The following FHOD3 variants were observed in gnomAD, a reference collection of about 807,000 sequenced individuals.
The protein encoded by FHOD3 is FH1/FH2 domain-containing protein 3.
A neutral mutation model predicts 173.0 loss-of-function variants in FHOD3; 90 were observed. That is an observed-to-expected ratio of 0.52 (90% confidence interval 0.44 to 0.62). The LOEUF (loss-of-function observed/expected upper bound fraction) is 0.62. Ranked by LOEUF, FHOD3 falls within the 20% of genes least tolerant of loss-of-function variation. The pLI is 0.00. For synonymous variants in FHOD3, 828 were observed against 823.0 expected (o/e 1.01, Z -0.10); for missense variants, 1,945 against 2,034.7 (o/e 0.96, Z 0.85).
intron 10 of FHOD3, among the ~76,000 whole-genome samples, chr18:36,645,539 T>C (rs563031153): frequency 5.9e-5 from 9 of 152,150 alleles, no homozygotes; most frequent in Non-Finnish European, 1.2e-4. Flanking sequence ...CGAGTCCAGA[T>C]CCATCTCTCC....
At chr18:36,346,257 T>C (rs1478817970) in intron 1 of FHOD3, among the ~76,000 whole-genome samples, 1 of 152,124 alleles carries the variant, frequency 6.6e-6, no homozygotes, top group African/African-American at 2.4e-5. Flanking sequence ...TCCCAGCTAC[T>C]TGGGGGGCTG....
chr18:36,326,113 C>T (rs867319112), intron 1 of FHOD3, among the ~76,000 whole-genome samples: 44 of 152,294 alleles, frequency 2.9e-4, no homozygotes, highest in African/African-American at 9.4e-4. Context: ...AGTCAAAATA[C>T]AAAAATGTCT....
chr18:36,674,780 C>T (rs1363205314), intron 14 of FHOD3, among the ~76,000 whole-genome samples: 1 of 152,080 alleles, frequency 6.6e-6, no homozygotes, highest in Non-Finnish European at 1.5e-5. Context: ...CACATGAAGA[C>T]AAACATGTAA....
chr18:36,309,618 T>C (rs4531816), intron 1 of FHOD3, among the ~76,000 whole-genome samples: 34,345 of 152,144 alleles, frequency 0.23, 5,035 homozygotes, highest in African/African-American at 0.42. Flanking sequence ...GAGCGGCTAG[T>C]GTCTGAGCTG....
intron 3 of FHOD3, among the ~76,000 whole-genome samples, chr18:36,494,250 A>G (rs1486139636): frequency 6.6e-6 from 1 of 152,190 alleles, no homozygotes; most frequent in Non-Finnish European, 1.5e-5. Context: ...CAAAGCAGGA[A>G]TGGTCCCCAG....
chr18:36,627,036 G>C (rs1169935554), intron 10 of FHOD3, among the ~76,000 whole-genome samples: 1 of 152,166 alleles, frequency 6.6e-6, no homozygotes, highest in Non-Finnish European at 1.5e-5. Context: ...TTATGTTTCT[G>C]AGAGTCTGTG....
At chr18:36,712,843 C>CA (rs111496299) in intron 18 of FHOD3, among the ~76,000 whole-genome samples, 3,199 of 139,632 alleles carry the variant, frequency 0.023, 53 homozygotes, top group South Asian at 0.067. Context: ...AACTAAAGAC[C>CA]AAAAAAAAAA....
intron 6 of FHOD3, among the ~76,000 whole-genome samples, chr18:36,585,627 A>G (rs2059001590): frequency 4.6e-5 from 7 of 152,212 alleles, no homozygotes; most frequent in Admixed American, 4.6e-4. Context: ...TGAGATGATC[A>G]TCTTCAGGGA....
At chr18:36,691,788 G>A (rs901766163) in intron 16 of FHOD3, among the ~76,000 whole-genome samples, 1 of 152,220 alleles carries the variant, frequency 6.6e-6, no homozygotes, top group Non-Finnish European at 1.5e-5. Context: ...GTGCCACTCT[G>A]CAGGCTTCTC....
intron 6 of FHOD3, among the ~76,000 whole-genome samples, chr18:36,594,572 G>A (rs1256399714): frequency 6.6e-6 from 1 of 152,118 alleles, no homozygotes; most frequent in Non-Finnish European, 1.5e-5. Context: ...AGGGAACTTT[G>A]TACCTCAGTT....
At chr18:36,668,859 T>G (rs1248730859) in intron 14 of FHOD3, among the ~76,000 whole-genome samples, 1 of 152,040 alleles carries the variant, frequency 6.6e-6, no homozygotes, top group Non-Finnish European at 1.5e-5. Context: ...TTGTATGACT[T>G]GGATACTTTT....
intron 4 of FHOD3, among the ~76,000 whole-genome samples, chr18:36,510,805 C>A (rs182316074): frequency 1.3e-5 from 2 of 152,072 alleles, no homozygotes; most frequent in Admixed American, 1.3e-4. Context: ...CTTCCAAAGC[C>A]ATGATTATCT....
intron 18 of FHOD3, among the ~76,000 whole-genome samples, chr18:36,716,524 T>C (rs1246339): frequency 0.85 from 129,564 of 152,188 alleles, 55,588 homozygotes; most frequent in African/African-American, 0.96. Flanking sequence ...TGGCATTTAA[T>C]GCCTTGAAAC....
At chr18:36,509,607 A>T (rs1335312000) in intron 4 of FHOD3, among the ~76,000 whole-genome samples, 1 of 152,156 alleles carries the variant, frequency 6.6e-6, no homozygotes, top group African/African-American at 2.4e-5. Context: ...GATGTGATGT[A>T]TGGGACTCGC....
chr18:36,567,400 A>G (rs780108101), intron 5 of FHOD3, among the ~76,000 whole-genome samples: 34 of 152,236 alleles, frequency 2.2e-4, no homozygotes, highest in Admixed American at 3.3e-4. Context: ...TGCTCCATCC[A>G]GGCCACCTTC....
At chr18:36,703,637 G>C (rs189315638) in intron 17 of FHOD3, among the ~76,000 whole-genome samples, 28 of 152,294 alleles carry the variant, frequency 1.8e-4, no homozygotes, top group African/African-American at 6.7e-4. Context: ...GATGTCCAGT[G>C]AGGTTTTGGG....
chr18:36,511,451 C>A (rs1376994960), intron 4 of FHOD3, among the ~76,000 whole-genome samples: 1 of 151,012 alleles, frequency 6.6e-6, no homozygotes, highest in African/African-American at 2.4e-5. Flanking sequence ...GGTTCTTGAA[C>A]AGGCAACCCT....
intron 3 of FHOD3, among the ~76,000 whole-genome samples, chr18:36,431,962 C>T (rs567777570): frequency 3.3e-5 from 5 of 152,282 alleles, no homozygotes; most frequent in Admixed American, 1.3e-4. Context: ...GCATTTAATC[C>T]GAAGGTGAAT....
At chr18:36,414,631 C>T (rs1012116816) in intron 3 of FHOD3, among the ~76,000 whole-genome samples, 2 of 152,174 alleles carry the variant, frequency 1.3e-5, no homozygotes, top group African/African-American at 2.4e-5. Flanking sequence ...GGGGGATGAT[C>T]CCGTGGCCCC....
Sources: gnomAD v4.1 joint callset for allele counts (sites outside exome capture counted in the v4.1 genomes callset) on GRCh38, gnomAD v4.1.1 for gene constraint, MANE v1.5 for transcripts, NCBI Gene and HGNC (gene_info 2026-07-23, HGNC 2026-07-21) for gene names.